Variants in SYNPO observed in about 807,000 individuals in gnomAD.
The protein encoded by SYNPO is synaptopodin.
A neutral mutation model predicts 49.5 loss-of-function variants in SYNPO; 19 were observed. The ratio of observed to expected loss-of-function variants is 0.38; its 90% CI spans 0.27 to 0.56. The LOEUF (loss-of-function observed/expected upper bound fraction) is 0.56. SYNPO is among the 20% of genes least tolerant of loss of function. SYNPO has a pLI of 0.68. For missense variants in SYNPO, 1,131 were observed against 1,248.3 expected (o/e 0.91, Z 1.42); for synonymous variants, 536 against 548.0 (o/e 0.98, Z 0.31).
intron 2 of SYNPO, chr5:150,651,152 T>G (rs1581517418): frequency 9.6e-7 from 1 of 1,039,868 alleles, no homozygotes; most frequent in Non-Finnish European, 1.2e-6. Context: ...TGTGCAGATG[T>G]GGGTGTGCCA....
upstream of SYNPO, among the ~76,000 whole-genome samples, chr5:150,637,866 G>A (rs988346166): frequency 7.9e-5 from 12 of 152,142 alleles, no homozygotes; most frequent in Non-Finnish European, 1.3e-4. Context: ...AGGTGGAGGC[G>A]GAGGGTCCCA....
intron 1 of SYNPO, among the ~76,000 whole-genome samples, chr5:150,602,221 C>A (rs999975630): frequency 6.6e-6 from 1 of 152,206 alleles, no homozygotes; most frequent in Non-Finnish European, 1.5e-5. Context: ...CCTTACTGGG[C>A]GCCAGGCTCT....
chr5:150,615,139 G>A (rs189923330), intron 1 of SYNPO: 1 of 152,206 alleles, frequency 6.6e-6, no homozygotes, highest in Non-Finnish European at 1.5e-5. Context: ...GGTGGGTGCT[G>A]TGGGGCTCAG....
chr5:150,651,481 GAA>G (rs1388406379), intron 2 of SYNPO: 3 of 1,000,606 alleles, frequency 3.0e-6, no homozygotes, highest in Non-Finnish European at 3.6e-6. Flanking sequence ...GGAAGAAAGA[GAA>G]AGGAAATGGG....
At chr5:150,607,221 A>C (rs1756719211) in intron 1 of SYNPO, among the ~76,000 whole-genome samples, 1 of 152,096 alleles carries the variant, frequency 6.6e-6, no homozygotes, top group Non-Finnish European at 1.5e-5. Context: ...TTATTTAGTG[A>C]CGTCTTTGTG....
At chr5:150,630,196 G>A (rs562831156) in intron 2 of SYNPO, among the ~76,000 whole-genome samples, 49 of 152,284 alleles carry the variant, frequency 3.2e-4, no homozygotes, top group African/African-American at 1.1e-3. Flanking sequence ...GGCCTGATGA[G>A]TGGGCGTTGT....
chr5:150,613,759 A>G (rs969976964), intron 1 of SYNPO, among the ~76,000 whole-genome samples: 5 of 151,972 alleles, frequency 3.3e-5, no homozygotes, highest in Non-Finnish European at 7.4e-5. Context: ...ATAGCCTTCC[A>G]CCTATAAAAT....
intron 1 of SYNPO, 70 bp downstream of exon 1, chr5:150,640,924 C>T: frequency 1.2e-6 from 1 of 813,038 alleles, no homozygotes; most frequent in South Asian, 5.6e-5. Context: ...GTGGCATCCC[C>T]CCTCTGATCT....
chr5:150,590,743 T>G, the SYNPO span, among the ~76,000 whole-genome samples: 1 of 152,130 alleles, frequency 6.6e-6, no homozygotes, highest in Admixed American at 6.5e-5. Flanking sequence ...AATAAGAAGA[T>G]TCACAGAAAA....
At chr5:150,650,887 T>C in intron 2 of SYNPO, 1 of 1,256,312 alleles carries the variant, frequency 8.0e-7, no homozygotes, top group Non-Finnish European at 1.0e-6. Context: ...TGGACACCGT[T>C]TCCTCTCCGC....
intron 1 of SYNPO, among the ~76,000 whole-genome samples, chr5:150,642,754 G>C (rs1757955501): frequency 6.6e-6 from 1 of 152,218 alleles, no homozygotes; most frequent in South Asian, 2.1e-4. Context: ...CTTTTCCATG[G>C]AGTCACTGTG....
At chr5:150,611,553 C>A (rs1002776014) in intron 1 of SYNPO, among the ~76,000 whole-genome samples, 2 of 152,196 alleles carry the variant, frequency 1.3e-5, no homozygotes, top group African/African-American at 4.8e-5. Context: ...GGGGCTCCCC[C>A]CAGCTCCACC....
In SYNPO at chr5:150,656,417, G is replaced by C; in HGVS notation, c.2042G>C (p.Ser681Thr). ...AGIEAQDRRE[S>T]LPTSPPWTPG... is the part of the protein sequence containing the mutation. Reference sequence around the variant, plus strand: ...CTCTCTCCCCAGGACCGCCGGGAGAGCCTGCCCACCTCCCCACCCTGGACG... The same window carrying C: ...CTCTCTCCCCAGGACCGCCGGGAGACCCTGCCCACCTCCCCACCCTGGACG... Residue 681 changes from serine to threonine, a missense_variant, in exon 3 of 3, where the codon AGC becomes ACC. Ser to Thr is a moderately conservative substitution (Grantham distance 58). This residue lies in a region of SYNPO where 509 missense variants were observed against 484.5 expected (regional missense o/e 1.05). Coordinates refer to ENST00000307662, the MANE Select transcript of SYNPO (RefSeq NM_007286.6). 6.5e-7 allele frequency: 1 copy of C among 1,529,766 alleles called. No homozygotes were observed. Among genetic ancestry groups the C allele is most frequent in the Non-Finnish European group, 8.7e-7 (1 of 1,144,330 alleles). 94.8% of individuals were successfully genotyped at this position (1,529,766 alleles called of 1,614,324 possible).
intron 2 of SYNPO, among the ~76,000 whole-genome samples, chr5:150,634,827 A>AACACAC (rs202176402): frequency 1.4e-4 from 17 of 124,688 alleles, no homozygotes; most frequent in African/African-American, 3.9e-4. Flanking sequence ...CCCTGTCTAA[A>AACACAC]ACACACACAC....
At chr5:150,615,979 A>G (rs926385321) in intron 1 of SYNPO, among the ~76,000 whole-genome samples, 1 of 152,228 alleles carries the variant, frequency 6.6e-6, no homozygotes, top group African/African-American at 2.4e-5. Flanking sequence ...CCAAGATAGA[A>G]GAGGTGCTTC....
Position 150,648,585 on chromosome 5 carries a change from G to A in SYNPO, c.310G>A (p.Val104Ile). ...TGTCAATCAGAACCCACCGGCAACT[G>A]TTGTCCCACAGAGCCTGCCACTTTC... is the stretch of plus-strand genomic sequence containing the variant. ...TDVNQNPPAT[V>I]VPQSLPLSSI... Residue 104 changes from valine to isoleucine, a missense_variant, in exon 2 of 3, where the codon GTT becomes ATT. Physicochemically the swap from Val to Ile is conservative, Grantham distance 29. Around this residue, in one of 4 missense-constraint regions of SYNPO, gnomAD observed 602 missense variants for 720.7 expected, o/e 0.84. Transcript: ENST00000307662. The surrounding 1 kb of genome is among the most constrained non-coding windows in gnomAD (Gnocchi z 5.0). 6.2e-7 allele frequency: 1 copy of A among 1,614,198 alleles called. No homozygotes were observed. The highest frequency in any genetic ancestry group is 8.5e-7 in the Non-Finnish European group (1 of 1,180,044).
rs1459468357 is a variant in SYNPO, at chr5:150,658,970, AC to A, written c.*1885del. On this transcript the variant is annotated 3_prime_UTR_variant, in exon 3 of 3. Coordinates refer to ENST00000307662, the MANE Select transcript of SYNPO (RefSeq NM_007286.6). ...TAAGGGCCCCTCCCAGGGAAGGGAC[AC>A]CATCAGGCCTCTGGCTGAGGCAGTA... 7.9e-5 allele frequency: 12 copies of A among 152,464 alleles called. No individual in the cohort carries two copies. The highest frequency in any genetic ancestry group is 2.6e-4 in the Admixed American group (4 of 15,306). 9.4% of individuals were successfully genotyped at this position (152,464 alleles called of 1,614,324 possible).
chr5:150,606,642 G>A (rs1368756445), intron 1 of SYNPO, among the ~76,000 whole-genome samples: 1 of 152,318 alleles, frequency 6.6e-6, no homozygotes, highest in East Asian at 1.9e-4. Context: ...GCAGCAACAT[G>A]ATTTTGCCTT....
At chr5:150,637,781 C>T (rs2151396497), upstream of SYNPO, among the ~76,000 whole-genome samples, 1 of 152,352 alleles carries the variant, frequency 6.6e-6, no homozygotes, top group Non-Finnish European at 1.5e-5. Flanking sequence ...CCACAGGGCG[C>T]TGTCCTTCAC....
Sources: allele counts gnomAD v4.1 joint callset (sites outside exome capture counted in the v4.1 genomes callset), GRCh38; gene constraint gnomAD v4.1.1; regional missense constraint gnomAD v4.1.1; non-coding constraint Gnocchi (gnomAD v3.1); transcripts MANE v1.5; gene names NCBI Gene and HGNC (gene_info 2026-07-23, HGNC 2026-07-21).